The following SUPT3H variants were observed in gnomAD, a reference collection of about 807,000 sequenced individuals.
The protein encoded by SUPT3H is SPT3 homolog, SAGA and STAGA complex component.
Under a neutral mutation model 44.3 loss-of-function variants are expected in SUPT3H, and 44 were observed. That is an observed-to-expected ratio of 0.99 (90% CI 0.78 to 1.28). The LOEUF (loss-of-function observed/expected upper bound fraction) is 1.28. SUPT3H is among the 50% of genes most tolerant of loss of function. The pLI, the probability that SUPT3H is intolerant of heterozygous loss-of-function variation, is 0.00. For synonymous variants in SUPT3H, 124 were observed against 125.6 expected (o/e 0.99, Z 0.09); for missense variants, 380 against 387.1 (o/e 0.98, Z 0.15).
intron 10 of SUPT3H, among the ~76,000 whole-genome samples, chr6:44,852,027 T>A (rs918340923): frequency 1.1e-4 from 16 of 152,172 alleles, no homozygotes; most frequent in Non-Finnish European, 1.5e-4. Context: ...AAATGGAAAA[T>A]CCATCATCCT....
At chr6:44,869,980 T>G (rs1441268846) in intron 10 of SUPT3H, among the ~76,000 whole-genome samples, 4 of 152,232 alleles carry the variant, frequency 2.6e-5, no homozygotes, top group Non-Finnish European at 5.9e-5. Context: ...GAAAGCAAAT[T>G]ATACAAGCAA....
intron 2 of SUPT3H, among the ~76,000 whole-genome samples, chr6:45,243,302 ACTT>A (rs925242481): frequency 6.6e-6 from 1 of 151,812 alleles, no homozygotes; most frequent in African/African-American, 2.4e-5. Context: ...TCTTAAGAAA[ACTT>A]CTATAGCATA....
intron 1 of SUPT3H, among the ~76,000 whole-genome samples, chr6:45,369,684 G>A (rs539159896): frequency 5.0e-4 from 76 of 152,154 alleles, no homozygotes; most frequent in African/African-American, 1.7e-3. Flanking sequence ...AAGTATTTAC[G>A]GGGCACCTAC....
At chr6:45,354,377 A>T (rs1277211432) in intron 2 of SUPT3H, among the ~76,000 whole-genome samples, 1 of 152,210 alleles carries the variant, frequency 6.6e-6, no homozygotes, top group Non-Finnish European at 1.5e-5. Context: ...GTAATGACTA[A>T]AAATTACTAA....
chr6:44,846,584 CA>C (rs1198687564), intron 10 of SUPT3H, among the ~76,000 whole-genome samples: 3 of 151,826 alleles, frequency 2.0e-5, no homozygotes, highest in African/African-American at 7.3e-5. Flanking sequence ...TTGGAGAGAA[CA>C]GGGGAGGGCT....
intron 2 of SUPT3H, among the ~76,000 whole-genome samples, chr6:45,173,574 G>C (rs1412996729): frequency 2.0e-5 from 3 of 152,286 alleles, no homozygotes; most frequent in Non-Finnish European, 4.4e-5. Flanking sequence ...TTCATTAAAT[G>C]ATTTTATCAC....
At chr6:45,337,758 A>C (rs1051803543) in intron 2 of SUPT3H, among the ~76,000 whole-genome samples, 2 of 151,880 alleles carry the variant, frequency 1.3e-5, no homozygotes, top group Admixed American at 6.6e-5. Flanking sequence ...ACGCCCCTCC[A>C]CTGTTGGTTG....
intron 10 of SUPT3H, among the ~76,000 whole-genome samples, chr6:44,874,929 G>A (rs1777006069): frequency 7.2e-6 from 1 of 138,754 alleles, no homozygotes; most frequent in African/African-American, 2.8e-5. Context: ...AAATACCTAG[G>A]AATCCAACTT....
At chr6:45,142,711 G>A (rs1363427389) in intron 2 of SUPT3H, among the ~76,000 whole-genome samples, 2 of 108,936 alleles carry the variant, frequency 1.8e-5, no homozygotes, top group Non-Finnish European at 3.5e-5. Context: ...ACTCCAGCCT[G>A]GGCAAGAAGA....
At chr6:45,278,774 A>G (rs894014761) in intron 2 of SUPT3H, among the ~76,000 whole-genome samples, 4 of 152,248 alleles carry the variant, frequency 2.6e-5, no homozygotes, top group Non-Finnish European at 5.9e-5. Context: ...TACAGATTAT[A>G]GAAAATGACA....
chr6:44,989,448 T>C (rs1341222450), intron 6 of SUPT3H, among the ~76,000 whole-genome samples: 1 of 152,158 alleles, frequency 6.6e-6, no homozygotes, highest in East Asian at 1.9e-4. Flanking sequence ...CTATTGTGAA[T>C]TATGCTGCAA....
chr6:45,138,660 G>A (rs1804701189), intron 2 of SUPT3H, among the ~76,000 whole-genome samples: 1 of 152,190 alleles, frequency 6.6e-6, no homozygotes, highest in African/African-American at 2.4e-5. Context: ...ATGCCCAGAA[G>A]AGGCAAATAT....
At chr6:44,851,059 T>G (rs925177700) in intron 10 of SUPT3H, among the ~76,000 whole-genome samples, 2 of 152,174 alleles carry the variant, frequency 1.3e-5, no homozygotes, top group African/African-American at 2.4e-5. Flanking sequence ...TGAATTTAAT[T>G]CATGTGATGG....
At chr6:45,343,057 T>A (rs1356623992) in intron 2 of SUPT3H, among the ~76,000 whole-genome samples, 3 of 152,172 alleles carry the variant, frequency 2.0e-5, no homozygotes, top group Admixed American at 6.5e-5. Flanking sequence ...AAGTTTCCAG[T>A]TAAATAAAAT....
downstream of SUPT3H, among the ~76,000 whole-genome samples, chr6:44,826,158 G>A (rs971866599): frequency 2.6e-5 from 4 of 152,070 alleles, no homozygotes; most frequent in East Asian, 1.9e-4. Context: ...ACGACATCTG[G>A]CCCTTATTTA....
At chr6:44,894,507 G>C (rs1763810316) in intron 10 of SUPT3H, among the ~76,000 whole-genome samples, 1 of 152,130 alleles carries the variant, frequency 6.6e-6, no homozygotes, top group Non-Finnish European at 1.5e-5. Flanking sequence ...GTTTTTCTCA[G>C]GTTTGTCAAA....
chr6:44,937,251 G>A (rs1355324127), intron 9 of SUPT3H, among the ~76,000 whole-genome samples: 4 of 151,950 alleles, frequency 2.6e-5, no homozygotes, highest in Admixed American at 2.6e-4. Flanking sequence ...CAGCACTTTG[G>A]GAGGCCGAGG....
At chr6:45,097,038 T>C (rs1357783654) in intron 3 of SUPT3H, among the ~76,000 whole-genome samples, 1 of 152,154 alleles carries the variant, frequency 6.6e-6, no homozygotes, top group African/African-American at 2.4e-5. Flanking sequence ...GGCATCAGTC[T>C]TGTGGAACTT....
intron 2 of SUPT3H, among the ~76,000 whole-genome samples, chr6:45,232,930 C>T (rs1474332517): frequency 6.6e-6 from 1 of 152,110 alleles, no homozygotes; most frequent in African/African-American, 2.4e-5. Context: ...CCTACAGAAG[C>T]GTCTGGAGTG....
Sources: allele counts gnomAD v4.1 joint callset (sites outside exome capture counted in the v4.1 genomes callset), GRCh38; gene constraint gnomAD v4.1.1; transcripts MANE v1.5; gene names NCBI Gene and HGNC (gene_info 2026-07-23, HGNC 2026-07-21).